The following DYM variants were observed in gnomAD, a reference collection of about 807,000 sequenced individuals.
DYM encodes dyggve-Melchior-Clausen syndrome protein.
DYM carries 78 observed loss-of-function variants against 93.1 expected under a neutral mutation model. The ratio of observed to expected loss-of-function variants is 0.84; its 90% CI spans 0.70 to 1.01. The LOEUF is 1.01. Ranked by LOEUF, DYM falls within the 50% of genes least tolerant of loss-of-function variation. DYM has a pLI of 0.00. For missense variants in DYM, 789 were observed against 845.0 expected, an observed-to-expected ratio of 0.93 and a Z score of 0.82; for synonymous variants, 321 against 319.7, an observed-to-expected ratio of 1.00 and a Z score of -0.04.
chr18:49,387,802 T>G (rs2068785473), intron 3 of DYM, among the ~76,000 whole-genome samples: 2 of 152,174 alleles, frequency 1.3e-5, no homozygotes, highest in African/African-American at 4.8e-5. Context: ...TGGCTTTATC[T>G]CAGTGGTCTG....
intron 8 of DYM, among the ~76,000 whole-genome samples, chr18:49,310,953 C>T (rs970972240): frequency 6.6e-6 from 1 of 151,984 alleles, no homozygotes; most frequent in Non-Finnish European, 1.5e-5. Context: ...CCAATATAGG[C>T]AAAATATTAG....
At chr18:49,108,578 T>C (rs999089849) in intron 16 of DYM, among the ~76,000 whole-genome samples, 3 of 152,254 alleles carry the variant, frequency 2.0e-5, no homozygotes, top group Non-Finnish European at 4.4e-5. Context: ...ATAGTTTAAT[T>C]TCACTGTGGT....
In DYM at chr18:49,037,310, T is replaced by TA. The variant is rs2070741860; in HGVS notation, c.*6744_*6745insT. On this transcript the variant is annotated 3_prime_UTR_variant, in exon 18 of 18. Coordinates refer to ENST00000675505, the MANE Select transcript of DYM (RefSeq NM_001353214.3). ...TTTCATGTGCTGTTTTTAAAATTTTTGAGGTAATTGCTTAATTGATTTTTA... is the reference window on the plus strand; with the variant it reads ...TTTCATGTGCTGTTTTTAAAATTTTTAGAGGTAATTGCTTAATTGATTTTTA... 6.6e-6 allele frequency among the ~76,000 whole-genome samples: 1 copy of TA among 152,222 alleles called. No individual in the cohort carries two copies. Among genetic ancestry groups the TA allele is most frequent in the Non-Finnish European group, 1.5e-5 (1 of 68,044 alleles).
chr18:49,249,098 C>T (rs961691779), intron 13 of DYM, among the ~76,000 whole-genome samples: 2 of 152,088 alleles, frequency 1.3e-5, no homozygotes, highest in African/African-American at 4.8e-5. Flanking sequence ...CCATGGTGAG[C>T]GAGTCACTCT....
At chr18:49,250,102 T>G (rs1441103835) in intron 13 of DYM, among the ~76,000 whole-genome samples, 3 of 152,214 alleles carry the variant, frequency 2.0e-5, no homozygotes, top group Admixed American at 6.5e-5. Flanking sequence ...GCTAATCAAC[T>G]TGCATGAAGT....
chr18:49,235,952 C>G (rs2093847746), intron 13 of DYM, among the ~76,000 whole-genome samples: 1 of 152,106 alleles, frequency 6.6e-6, no homozygotes, highest in South Asian at 2.1e-4. Context: ...TAATTCAATT[C>G]TCATTTTAAT....
intron 5 of DYM, among the ~76,000 whole-genome samples, chr18:49,370,674 G>A (rs1331746147): frequency 3.9e-5 from 6 of 152,188 alleles, no homozygotes; most frequent in Non-Finnish European, 8.8e-5. Flanking sequence ...GGCTAAGGCA[G>A]GAGAACCACT....
At chr18:49,129,101 G>A (rs1322809935) in intron 15 of DYM, among the ~76,000 whole-genome samples, 1 of 151,518 alleles carries the variant, frequency 6.6e-6, no homozygotes, top group Non-Finnish European at 1.5e-5. Context: ...CACAAATAGG[G>A]GTGTAATAAG....
chr18:49,448,431 T>C (rs1224322607), intron 1 of DYM, among the ~76,000 whole-genome samples: 1 of 152,194 alleles, frequency 6.6e-6, no homozygotes, highest in Non-Finnish European at 1.5e-5. Context: ...AACTATTATG[T>C]AGTTTTTCTT....
chr18:49,403,998 GTTTT>G (rs113425880), intron 2 of DYM, among the ~76,000 whole-genome samples: 2 of 147,566 alleles, frequency 1.4e-5, no homozygotes, highest in African/African-American at 5.0e-5. Context: ...TGTTTTTTCT[GTTTT>G]TTTTTTGTTT....
intron 2 of DYM, among the ~76,000 whole-genome samples, chr18:49,422,986 A>G (rs1488164343): frequency 6.6e-6 from 1 of 151,676 alleles, no homozygotes; most frequent in Non-Finnish European, 1.5e-5. Flanking sequence ...TAGACAGATC[A>G]AGACAGAAAG....
chr18:49,379,675 C>T lies in DYM; in HGVS notation c.277G>A (p.Glu93Lys), dbSNP rs758439871. The change falls in exon 4 of 18, where the codon GAA becomes AAA. Residue 93 changes from glutamate to lysine, a missense_variant. Glu to Lys is a moderately conservative substitution (Grantham distance 56, BLOSUM62 1). Around this residue, in one of 3 missense-constraint regions of DYM, gnomAD observed 450 missense variants for 436.2 expected, o/e 1.03. Transcript: ENST00000675505. ...SRTKELKLSA[E>K]CQNHIFIWQT... ...AATTAGCCAGCTTACTTCTGACATTCTGCTGAAAGTTTTAGTTCTTTGGTT... is the reference window on the plus strand; with the variant it reads ...AATTAGCCAGCTTACTTCTGACATTTTGCTGAAAGTTTTAGTTCTTTGGTT... 2 of 1,611,272 alleles carry T rather than the reference C, an allele frequency of 1.2e-6. No homozygotes were observed. Among genetic ancestry groups the T allele is most frequent in the African/African-American group, 2.7e-5 (2 of 74,868 alleles).
At chr18:49,226,556 A>G (rs183170132) in intron 13 of DYM, among the ~76,000 whole-genome samples, 147 of 152,284 alleles carry the variant, frequency 9.7e-4, no homozygotes, top group Non-Finnish European at 1.2e-3. Flanking sequence ...GCAAGGTCTA[A>G]AACTCCACAA....
intron 14 of DYM, chr18:49,208,884 T>G (rs990685448): frequency 1.3e-5 from 2 of 152,188 alleles, no homozygotes; most frequent in Non-Finnish European, 2.9e-5. Context: ...CCCCTCTATT[T>G]TGGTGCACGA....
At chr18:49,163,870 A>G in intron 14 of DYM, 83 bp from the exon 15 acceptor site, 1 of 847,982 alleles carries the variant, frequency 1.2e-6, no homozygotes. Context: ...GTTCCACAGC[A>G]TGTCAATTAT....
intron 8 of DYM, among the ~76,000 whole-genome samples, chr18:49,318,173 C>A (rs1221072870): frequency 6.6e-6 from 1 of 152,140 alleles, no homozygotes; most frequent in African/African-American, 2.4e-5. Context: ...TCATGGCAAC[C>A]CAGAGATGCA....
At chr18:49,272,875 T>C (rs181834145) in intron 10 of DYM, among the ~76,000 whole-genome samples, 2 of 152,268 alleles carry the variant, frequency 1.3e-5, no homozygotes, top group Admixed American at 1.3e-4. Context: ...TTTCAAATCA[T>C]TGACACCTTC....
At chr18:49,096,094 A>C (rs190102884) in intron 17 of DYM, among the ~76,000 whole-genome samples, 1 of 152,238 alleles carries the variant, frequency 6.6e-6, no homozygotes, top group African/African-American at 2.4e-5. Flanking sequence ...GTCTTACTTT[A>C]TGTAAAAATG....
At chr18:49,149,732 G>A (rs1295002885) in intron 15 of DYM, among the ~76,000 whole-genome samples, 1 of 120,582 alleles carries the variant, frequency 8.3e-6, no homozygotes, top group Non-Finnish European at 1.6e-5. Context: ...TTTTGAGATG[G>A]AATCTCGCTC....
Sources: allele counts gnomAD v4.1 joint callset (sites outside exome capture counted in the v4.1 genomes callset), GRCh38; gene constraint gnomAD v4.1.1; regional missense constraint gnomAD v4.1.1; transcripts MANE v1.5; gene names NCBI Gene and HGNC (gene_info 2026-07-23, HGNC 2026-07-21).